DGAT2: variants seen among roughly 807,000 people sequenced by gnomAD.
DGAT2 encodes diacylglycerol O-acyltransferase 2.
DGAT2 carries 33 observed loss-of-function variants against 48.4 expected under a neutral mutation model. The ratio of observed to expected loss-of-function variants is 0.68; its 90% confidence interval spans 0.52 to 0.91. The LOEUF (loss-of-function observed/expected upper bound fraction) is 0.91. Among genes scored for constraint, DGAT2 ranks in the 40% least tolerant of loss-of-function variants. The probability of loss-of-function intolerance (pLI) is 0.00; values close to 1 mark genes in which losing one functional copy is unlikely to be tolerated. For missense variants in DGAT2, 446 were observed against 493.7 expected (o/e 0.90, Z 0.92); for synonymous variants, 191 against 194.1 (o/e 0.98, Z 0.13).
chr11:75,779,316 G>A (rs1944836419), intron 1 of DGAT2, among the ~76,000 whole-genome samples: 1 of 152,188 alleles, frequency 6.6e-6, no homozygotes, highest in Admixed American at 6.5e-5. Context: ...GGTGTGGGCT[G>A]GCGTGTTTGG....
At chr11:75,770,304 T>A (rs533452162) in intron 1 of DGAT2, among the ~76,000 whole-genome samples, 12 of 152,308 alleles carry the variant, frequency 7.9e-5, no homozygotes, top group African/African-American at 2.6e-4. Context: ...GGCATTGGCA[T>A]TGCTTCTTGT....
Position 75,796,480 on chromosome 11 carries a change from A to G in DGAT2, c.582A>G (p.Thr194=), listed in dbSNP as rs1039645646. The G allele has an allele frequency of 7.4e-6, 12 of 1,613,644 alleles. No individual in the cohort carries two copies. The highest frequency in any genetic ancestry group is 1.7e-4 in the Middle Eastern group (1 of 5,782). The change falls in exon 5 of 8, where the codon ACA becomes ACG. Residue 194 remains threonine, a synonymous_variant. Coordinates refer to ENST00000228027, the MANE Select transcript of DGAT2 (RefSeq NM_032564.5). ...KFPGIRPYLA[T]LAGNFRMPVL... is the part of the protein sequence containing the mutation. ...CAGGCATACGGCCTTACCTGGCTAC[A>G]CTGGCAGGCAACTTCCGAATGCCTG...
chr11:75,784,024 T>C (rs1255570804), intron 1 of DGAT2, among the ~76,000 whole-genome samples: 1 of 151,886 alleles, frequency 6.6e-6, no homozygotes, highest in African/African-American at 2.4e-5. Flanking sequence ...CATTTACATC[T>C]CTCTGAAAGT....
At chr11:75,797,065 C>T (rs1945064005) in intron 5 of DGAT2, 93 bp from the exon 6 acceptor site, 2 of 1,308,008 alleles carry the variant, frequency 1.5e-6, no homozygotes, top group African/African-American at 1.5e-5. Flanking sequence ...GGCCCAGGTC[C>T]AGGGTTCTTT....
chr11:75,768,954 C>T lies in DGAT2; in HGVS notation c.-38C>T. The T allele has an allele frequency of 2.8e-6, 4 of 1,442,814 alleles. No homozygotes were observed. The highest frequency in any genetic ancestry group is 3.6e-6 in the Non-Finnish European group (4 of 1,100,066). 89.4% of individuals were successfully genotyped at this position (1,442,814 alleles called of 1,614,324 possible). On this transcript the variant is annotated 5_prime_UTR_variant, in exon 1 of 8. Coordinates refer to ENST00000228027, the MANE Select transcript of DGAT2 (RefSeq NM_032564.5). ...CATGGGCCAGGGGCGCGGGGTGAAG[C>T]GGCTTCCCGCGGGGCCGTGACTGGG...
intron 2 of DGAT2, among the ~76,000 whole-genome samples, chr11:75,787,361 C>G (rs1248101370): frequency 1.3e-5 from 2 of 152,256 alleles, no homozygotes; most frequent in African/African-American, 4.8e-5. Context: ...AGGGCCAAGG[C>G]TCCAGGTCTG....
At chr11:75,776,258 T>G (rs1243339239) in intron 1 of DGAT2, 1 of 152,228 alleles carries the variant, frequency 6.6e-6, no homozygotes, top group Non-Finnish European at 1.5e-5. Flanking sequence ...TCTCAAGCAT[T>G]CAGTCATTCA....
chr11:75,770,937 G>A (rs1345413786), intron 1 of DGAT2, among the ~76,000 whole-genome samples: 1 of 152,118 alleles, frequency 6.6e-6, no homozygotes, highest in African/African-American at 2.4e-5. Context: ...GGGCACTGAA[G>A]CACATTTTGT....
intron 4 of DGAT2, chr11:75,793,910 C>T (rs1042117130): frequency 1.4e-5 from 2 of 142,526 alleles, no homozygotes; most frequent in Non-Finnish European, 3.0e-5. Flanking sequence ...AACATTGGAA[C>T]AGCAATCTTA....
chr11:75,797,022 C>A, intron 5 of DGAT2, 136 bp from the exon 6 acceptor site: 1 of 809,096 alleles, frequency 1.2e-6, no homozygotes. Flanking sequence ...TACACAGAAC[C>A]AGACAACTCC....
intron 4 of DGAT2, 80 bp from the exon 5 acceptor site, chr11:75,796,248 C>A: frequency 7.9e-7 from 1 of 1,272,528 alleles, no homozygotes; most frequent in Non-Finnish European, 1.1e-6. Context: ...AATGACACAT[C>A]CAATCCCTCC....
At chr11:75,793,535 A>G (rs1421639908) in intron 4 of DGAT2, 1 of 152,266 alleles carries the variant, frequency 6.6e-6, no homozygotes, top group Non-Finnish European at 1.5e-5. Flanking sequence ...CCACAGGGGA[A>G]TTGCAGCTCC....
At chr11:75,772,942 G>C (rs1035932997) in intron 1 of DGAT2, among the ~76,000 whole-genome samples, 4 of 152,152 alleles carry the variant, frequency 2.6e-5, no homozygotes, top group African/African-American at 9.7e-5. Context: ...GTGAGCCAAG[G>C]TTGTGCTACT....
chr11:75,798,981 C>T (rs543027013), intron 7 of DGAT2, among the ~76,000 whole-genome samples: 4 of 152,226 alleles, frequency 2.6e-5, no homozygotes, highest in South Asian at 2.1e-4. Context: ...TTGCACTTGG[C>T]CCTCGTCTGT....
At chr11:75,795,965 T>A in intron 4 of DGAT2, 1 of 213,078 alleles carries the variant, frequency 4.7e-6, no homozygotes, top group Non-Finnish European at 9.6e-6. Context: ...GTGACAAGGG[T>A]TGGATTTGAG....
At chr11:75,796,229 T>G in intron 4 of DGAT2, 99 bp from the exon 5 acceptor site, 2 of 1,014,312 alleles carry the variant, frequency 2.0e-6, no homozygotes. Flanking sequence ...CCCATGGAGG[T>G]CCAGGGGAAA....
chr11:75,798,168 T>A, intron 6 of DGAT2, 59 bp from the exon 7 acceptor site: 1 of 1,580,166 alleles, frequency 6.3e-7, no homozygotes, highest in Non-Finnish European at 8.7e-7. Flanking sequence ...GCCTCTAGGC[T>A]GACATAGAAA....
At chr11:75,778,340 A>T (rs1381348412) in intron 1 of DGAT2, among the ~76,000 whole-genome samples, 2 of 152,124 alleles carry the variant, frequency 1.3e-5, no homozygotes, top group African/African-American at 4.8e-5. Context: ...GCGAAGCCTC[A>T]TGGCCTCCTT....
At chr11:75,780,059 T>G (rs910093583) in intron 1 of DGAT2, among the ~76,000 whole-genome samples, 1 of 152,178 alleles carries the variant, frequency 6.6e-6, no homozygotes, top group African/African-American at 2.4e-5. Context: ...AAAGTGACAT[T>G]GGTGCTGTGG....
Sources: gnomAD v4.1 joint callset for allele counts (sites outside exome capture counted in the v4.1 genomes callset) on GRCh38, gnomAD v4.1.1 for gene constraint, MANE v1.5 for transcripts, NCBI Gene and HGNC (gene_info 2026-07-23, HGNC 2026-07-21) for gene names.